Variants in PLA2R1 observed in about 807,000 individuals in gnomAD.
PLA2R1 encodes phospholipase A2 receptor 1.
Under a neutral mutation model 195.9 loss-of-function variants are expected in PLA2R1, and 158 were observed. The ratio of observed to expected loss-of-function variants is 0.81; its 90% CI spans 0.71 to 0.92. The LOEUF (loss-of-function observed/expected upper bound fraction) is 0.92. Among genes scored for constraint, PLA2R1 ranks in the 40% least tolerant of loss-of-function variants. The pLI is 0.00. For missense variants in PLA2R1, 1,626 were observed against 1,764.6 expected, an observed-to-expected ratio of 0.92 and a Z score of 1.41; for synonymous variants, 586 against 598.2, an observed-to-expected ratio of 0.98 and a Z score of 0.30.
In PLA2R1 at chr2:159,946,863, T is replaced by G. The variant is rs534550677; in HGVS notation, c.3905A>C (p.Glu1302Ala). ...DEAENAFLLEELFAFGSSVQM... is the reference protein window; with the variant it reads ...DEAENAFLLEALFAFGSSVQM... ...GACAGAAGAACCAAAAGCAAACAGC[T>G]CTTCTAGGAGAAATGCATTTTCAGC... The change falls in exon 27 of 30, where the codon GAG becomes GCG. Residue 1302 changes from glutamate (E) to alanine (A), a missense_variant. Transcript: ENST00000283243. 1.2e-6 allele frequency: 2 copies of G among 1,611,542 alleles called. No homozygotes were observed. The highest frequency in any genetic ancestry group is 2.7e-5 in the African/African-American group (2 of 74,886).
rs1017833814 is a variant in PLA2R1, at chr2:159,941,827, T to C, written c.4343A>G (p.Tyr1448Cys). The change falls in exon 30 of 30, where the codon TAT (tyrosine) becomes TGT (cysteine). Residue 1448 changes from tyrosine to cysteine, a missense_variant. Coordinates refer to ENST00000283243, the MANE Select transcript of PLA2R1 (RefSeq NM_007366.5). ...YYPATNFSTV[Y>C]LEENILISDL... Reference sequence around the variant, plus strand: ...AGAAATGAGAATATTTTCTTCTAAATATACTGTACTAAAGTTGGTTGCAGG... The same window carrying C: ...AGAAATGAGAATATTTTCTTCTAAACATACTGTACTAAAGTTGGTTGCAGG... 3.7e-6 allele frequency: 6 copies of C among 1,612,114 alleles called. No homozygotes were observed. Among genetic ancestry groups the C allele is most frequent in the Non-Finnish European group, 5.1e-6 (6 of 1,178,364 alleles).
intron 11 of PLA2R1, among the ~76,000 whole-genome samples, chr2:160,005,091 C>T (rs879873738): frequency 2.6e-5 from 4 of 152,148 alleles, no homozygotes; most frequent in Non-Finnish European, 4.4e-5. Flanking sequence ...CTAATAAAGG[C>T]AGTGGTGGTC....
chr2:160,055,381 G>T (rs1411111723), intron 1 of PLA2R1, among the ~76,000 whole-genome samples: 1 of 152,206 alleles, frequency 6.6e-6, no homozygotes. Context: ...TCCGTTTCCA[G>T]ATTAGTAGAA....
At chr2:160,024,822 C>T (rs942031827) in intron 6 of PLA2R1, among the ~76,000 whole-genome samples, 5 of 152,196 alleles carry the variant, frequency 3.3e-5, no homozygotes, top group Admixed American at 2.6e-4. Context: ...ACTGCTGAGG[C>T]ACCCCACCTT....
In PLA2R1 at chr2:160,033,052, ATGAAAGCAGGT is replaced by A. The variant is rs751199067; in HGVS notation, c.737_747del (p.Asn246IlefsTer6). ...GAATGTGCCTCACTCCAAGAGAGAG[ATGAAAGCAGGT>A]TGAACTGGTAGCAAATGTGTGAATT... On this transcript the variant is annotated frameshift_variant, in exon 4 of 30. Coordinates refer to ENST00000283243, the MANE Select transcript of PLA2R1 (RefSeq NM_007366.5). LOFTEE classifies it high-confidence loss of function. 6.2e-7 allele frequency: 1 copy of A among 1,613,530 alleles called. No individual in the cohort carries two copies. The highest frequency in any genetic ancestry group is 1.1e-5 in the South Asian group (1 of 91,012).
At chr2:159,946,969 C>G (rs1307358935) in intron 26 of PLA2R1, 52 bp from the exon 27 acceptor site, 1 of 1,156,030 alleles carries the variant, frequency 8.7e-7, no homozygotes, top group East Asian at 2.5e-5. Flanking sequence ...CATAAATATA[C>G]TTTAAAAAAT....
rs771631742 is a variant in PLA2R1 at position 159,955,689 on chromosome 2, A to T, written c.3153+9T>A. ...AAGTGATCTCCAAAAAATAAATCTT[A>T]AAACTTACATTTATTATATCAAATG... On this transcript the variant is annotated intron_variant, in intron 22 of 29. Transcript: ENST00000283243. 7.2e-7 allele frequency: 1 copy of T among 1,392,110 alleles called. No individual in the cohort carries two copies. Among genetic ancestry groups the T allele is most frequent in the Admixed American group, 2.4e-5 (1 of 42,424 alleles). 86.2% of individuals were successfully genotyped at this position (1,392,110 alleles called of 1,614,324 possible). A position where few individuals can be genotyped will look rare whatever the true frequency, so the allele number is the denominator to read the frequency against.
At chr2:159,975,680 T>G (rs549784874) in intron 17 of PLA2R1, among the ~76,000 whole-genome samples, 1 of 152,246 alleles carries the variant, frequency 6.6e-6, no homozygotes, top group East Asian at 1.9e-4. Context: ...GATTATGGTC[T>G]TTCTTCCCAG....
intron 25 of PLA2R1, among the ~76,000 whole-genome samples, chr2:159,948,081 T>G (rs1426180429): frequency 6.6e-6 from 1 of 152,192 alleles, no homozygotes; most frequent in Non-Finnish European, 1.5e-5. Context: ...GGGACTTTAT[T>G]TCAGAGAGCA....
intron 3 of PLA2R1, among the ~76,000 whole-genome samples, chr2:160,038,142 TTCTC>T (rs1558984353): frequency 6.6e-6 from 1 of 152,218 alleles, no homozygotes; most frequent in African/African-American, 2.4e-5. Flanking sequence ...CTTTTGCGAA[TTCTC>T]TCTATTTAGA....
At position 160,022,795 on chromosome 2, in the gene PLA2R1, A is replaced by G. The variant is rs186604767; in HGVS notation, c.1164T>C (p.Asn388=). 6.2e-7 allele frequency: 1 copy of G among 1,613,842 alleles called. No homozygotes were observed. The highest frequency in any genetic ancestry group is 1.3e-5 in the African/African-American group (1 of 75,064). The part of the protein sequence containing the change: ...CEPGWNPYNR[N]CYKLQKEEKT... ...TTTCTTCTTTCTGAAGTTTGTAGCA[A>G]TTACGATTGTAGGGATTCCAGCCAG... Residue 388 remains asparagine (N), a synonymous_variant, in exon 7 of 30, where the codon AAT becomes AAC. Transcript: ENST00000283243.
At chr2:159,980,211 C>T (rs1204734073) in intron 13 of PLA2R1, among the ~76,000 whole-genome samples, 3 of 152,244 alleles carry the variant, frequency 2.0e-5, no homozygotes, top group Non-Finnish European at 4.4e-5. Flanking sequence ...ATAAGCCTCA[C>T]ATTCTATTAC....
intron 25 of PLA2R1, among the ~76,000 whole-genome samples, chr2:159,947,902 A>C (rs960384586): frequency 1.3e-5 from 2 of 151,792 alleles, no homozygotes; most frequent in South Asian, 2.1e-4. Flanking sequence ...AGAGAGTGGC[A>C]GCTGACTGAT....
At chr2:160,020,933 TAAGC>T (rs905507750) in intron 7 of PLA2R1, among the ~76,000 whole-genome samples, 1 of 152,196 alleles carries the variant, frequency 6.6e-6, no homozygotes, top group Non-Finnish European at 1.5e-5. Flanking sequence ...CAACAAAGCC[TAAGC>T]AAGTTGGATT....
At chr2:159,951,938 G>C (rs986642617) in intron 23 of PLA2R1, among the ~76,000 whole-genome samples, 1 of 152,094 alleles carries the variant, frequency 6.6e-6, no homozygotes, top group African/African-American at 2.4e-5. Context: ...CACTGCTGTG[G>C]CAGAACTTAA....
intron 23 of PLA2R1, 130 bp from the exon 24 acceptor site, chr2:159,951,708 C>A: frequency 1.6e-6 from 1 of 636,740 alleles, no homozygotes; most frequent in South Asian, 1.9e-5. Context: ...TTGACTGTTT[C>A]AAAACAAGAA....
At chr2:160,047,136 A>G (rs1694918961) in intron 1 of PLA2R1, among the ~76,000 whole-genome samples, 1 of 152,010 alleles carries the variant, frequency 6.6e-6, no homozygotes, top group Non-Finnish European at 1.5e-5. Flanking sequence ...CGACCTGGCT[A>G]GTGGTTGAGA....
At chr2:160,059,476 C>T (rs1371864189) in intron 1 of PLA2R1, among the ~76,000 whole-genome samples, 1 of 152,170 alleles carries the variant, frequency 6.6e-6, no homozygotes, top group Non-Finnish European at 1.5e-5. Flanking sequence ...TTACTAGCTC[C>T]ATTTTACAGA....
intron 20 of PLA2R1, among the ~76,000 whole-genome samples, chr2:159,958,166 T>C (rs1688220881): frequency 6.6e-6 from 1 of 152,154 alleles, no homozygotes; most frequent in Admixed American, 6.5e-5. Flanking sequence ...CAGATCCCTC[T>C]TGAAGGCTTA....
Sources: gnomAD v4.1 joint callset for allele counts (sites outside exome capture counted in the v4.1 genomes callset) on GRCh38, gnomAD v4.1.1 for gene constraint, MANE v1.5 for transcripts, NCBI Gene and HGNC (gene_info 2026-07-23, HGNC 2026-07-21) for gene names.